The following IGHMBP2 variants were observed in gnomAD, a reference collection of about 807,000 sequenced individuals.
IGHMBP2 encodes the protein immunoglobulin mu DNA binding protein 2.
A neutral mutation model predicts 96.0 loss-of-function variants in IGHMBP2; 81 were observed. The ratio of observed to expected loss-of-function variants is 0.84; its 90% CI spans 0.71 to 1.01. The LOEUF is 1.01. Ranked by LOEUF, IGHMBP2 falls within the 50% of genes least tolerant of loss-of-function variation. The probability of loss-of-function intolerance (pLI) is 0.00; values close to 1 mark genes in which losing one functional copy is unlikely to be tolerated. For missense variants in IGHMBP2, 1,227 were observed against 1,306.3 expected, an observed-to-expected ratio of 0.94 and a Z score of 0.94; for synonymous variants, 557 against 548.9, an observed-to-expected ratio of 1.01 and a Z score of -0.21.
Position 68,929,163 on chromosome 11 carries a change from C to T in IGHMBP2, c.1061-20C>T, listed in dbSNP as rs375085896. ...AAGCAGCTGTGCCCCTGGAGACTCC[C>T]GGCTCCCTGTTTCCACCAGGTGCGT... On this transcript the variant is annotated intron_variant, in intron 7 of 14. Coordinates refer to ENST00000255078, the MANE Select transcript of IGHMBP2 (RefSeq NM_002180.3). 26 of 1,609,362 alleles carry T rather than the reference C, an allele frequency of 1.6e-5. No homozygotes were observed. Among genetic ancestry groups the T allele is most frequent in the African/African-American group, 4.0e-5 (3 of 74,890 alleles).
intron 4 of IGHMBP2, among the ~76,000 whole-genome samples, chr11:68,910,899 AG>A (rs1160612052): frequency 6.8e-5 from 10 of 147,576 alleles, no homozygotes; most frequent in Non-Finnish European, 9.0e-5. Context: ...AAAAAAAAAA[AG>A]AAGCAGATCT....
Position 68,908,210 on chromosome 11 carries a change from C to T in IGHMBP2, c.322C>T (p.Arg108Trp), listed in dbSNP as rs750026880. The change falls in exon 3 of 15, where the codon CGG (arginine) becomes TGG (tryptophan). Residue 108 changes from arginine (R) to tryptophan (W), a missense_variant. Arg to Trp is a moderately radical substitution (Grantham distance 101, BLOSUM62 -3). This residue lies in a region of IGHMBP2 where 507 missense variants were observed against 496.9 expected (regional missense o/e 1.02). Coordinates refer to ENST00000255078, the MANE Select transcript of IGHMBP2 (RefSeq NM_002180.3). ...GSQLATGILTRVTQKSVTVAF... is the reference protein window; with the variant it reads ...GSQLATGILTWVTQKSVTVAF... ...TCAGCTGGCCACTGGGATCTTGACC[C>T]GGGTCACCCAGAAGTCGGTCACGGT... The T allele has an allele frequency of 8.1e-6, 13 of 1,613,888 alleles. No individual in the cohort carries two copies. The highest frequency in any genetic ancestry group is 4.5e-5 in the East Asian group (2 of 44,888).
At chr11:68,904,448 G>A (rs1858092979) in intron 1 of IGHMBP2, among the ~76,000 whole-genome samples, 1 of 152,180 alleles carries the variant, frequency 6.6e-6, no homozygotes, top group African/African-American at 2.4e-5. Flanking sequence ...GGCCAGCGGC[G>A]GGCTGGGCAT....
At chr11:68,904,117 C>T (rs950639110) in intron 1 of IGHMBP2, 79 bp downstream of exon 1, 33 of 1,215,766 alleles carry the variant, frequency 2.7e-5, no homozygotes, top group Non-Finnish European at 3.7e-5. Flanking sequence ...GGCTCGGCCT[C>T]ATAGTCTGGG....
chr11:68,925,360 G>A (rs1316372673), intron 7 of IGHMBP2, among the ~76,000 whole-genome samples: 6 of 151,988 alleles, frequency 3.9e-5, no homozygotes, highest in African/African-American at 1.5e-4. Context: ...TGTTGGCCAG[G>A]CTGGTCTCGA....
chr11:68,926,769 T>C (rs1859085877), intron 7 of IGHMBP2, among the ~76,000 whole-genome samples: 1 of 152,134 alleles, frequency 6.6e-6, no homozygotes, highest in Non-Finnish European at 1.5e-5. Context: ...ATTTATTTAT[T>C]TATTTAATTT....
rs1566448372 is a variant in IGHMBP2, at chr11:68,938,258, C to G, written c.2688C>G (p.Thr896=). ...CTGCCGCCGTTAAGGCTGATAACAC[C>G]TGCGGCTTTGCCAAGTGCACAGCCG... is the stretch of plus-strand genomic sequence containing the variant. ...LVSAAVKADN[T]CGFAKCTAGV... is the part of the protein sequence containing the mutation. The change falls in exon 14 of 15, where the codon ACC becomes ACG. Residue 896 remains threonine, a synonymous_variant. Transcript: ENST00000255078. The G allele has an allele frequency of 1.2e-6, 2 of 1,613,946 alleles. No homozygotes were observed. Among genetic ancestry groups the G allele is most frequent in the African/African-American group, 1.3e-5 (1 of 74,948 alleles).
intron 11 of IGHMBP2, among the ~76,000 whole-genome samples, chr11:68,934,962 G>C (rs1343742332): frequency 6.6e-6 from 1 of 152,232 alleles, no homozygotes; most frequent in Non-Finnish European, 1.5e-5. Context: ...TATCTCATTT[G>C]GTAGGAAAAA....
At chr11:68,930,363 G>T (rs1162758901) in intron 8 of IGHMBP2, 1 of 1,289,816 alleles carries the variant, frequency 7.8e-7, no homozygotes, top group Admixed American at 2.3e-5. Flanking sequence ...CCGAGGACCG[G>T]AAGAAGATGT....
chr11:68,936,969 T>G lies in IGHMBP2; in HGVS notation c.2489T>G (p.Leu830Arg). ...REQRGPDQPDLRTLHLERLQR... is the reference protein window; with the variant it reads ...REQRGPDQPDRRTLHLERLQR... ...CAGCGTGGCCCAGACCAGCCTGATC[T>G]GAGGACGCTGCACCTGGAGAGACTG... The change falls in exon 13 of 15, where the codon CTG becomes CGG. Residue 830 changes from leucine to arginine, a missense_variant. Transcript: ENST00000255078. The G allele has an allele frequency of 1.9e-6, 3 of 1,607,146 alleles. No individual in the cohort carries two copies. Among genetic ancestry groups the G allele is most frequent in the Non-Finnish European group, 2.5e-6 (3 of 1,177,548 alleles).
At chr11:68,926,290 TA>T (rs1859066605) in intron 7 of IGHMBP2, 1 of 128,662 alleles carries the variant, frequency 7.8e-6, no homozygotes, top group Non-Finnish European at 1.6e-5. Context: ...TTTTTTTTTT[TA>T]GATGGAGTCT....
At position 68,906,076 on chromosome 11, in the gene IGHMBP2, CAGG is replaced by C. The variant is rs749258691; in HGVS notation, c.97_99del (p.Glu33del). 6.2e-7 allele frequency: 1 copy of C among 1,614,036 alleles called. No homozygotes were observed. The highest frequency in any genetic ancestry group is 2.2e-5 in the East Asian group (1 of 44,882). On this transcript the variant is annotated inframe_deletion, in exon 2 of 15. Transcript: ENST00000255078. ...ATACCGGGTGTCTTCCAGGTCCTGG[CAGG>C]AGAACATCTCTCTGAAAGAGCTCCA... is the stretch of plus-strand genomic sequence containing the variant.
At position 68,914,893 on chromosome 11, in the gene IGHMBP2, G is replaced by A. The variant is rs939818020; in HGVS notation, c.782G>A (p.Arg261Gln). The change falls in exon 6 of 15, where the codon CGG becomes CAG. Residue 261 changes from arginine to glutamine, a missense_variant. By Grantham distance (43) the Arg-to-Gln change is conservative (BLOSUM62 1). Coordinates refer to ENST00000255078, the MANE Select transcript of IGHMBP2 (RefSeq NM_002180.3). ...GAGCGCCTGGCTCTGTGTAAGCAGCGGATTCTGCGCCTGGGACACCCTGCC... is the reference window on the plus strand; with the variant it reads ...GAGCGCCTGGCTCTGTGTAAGCAGCAGATTCTGCGCCTGGGACACCCTGCC... ...LVERLALCKQRILRLGHPARL... is the reference protein window; with the variant it reads ...LVERLALCKQQILRLGHPARL... 4.3e-6 allele frequency: 7 copies of A among 1,614,222 alleles called. No homozygotes were observed. The highest frequency in any genetic ancestry group is 5.1e-6 in the Non-Finnish European group (6 of 1,180,040).
intron 12 of IGHMBP2, 91 bp from the exon 13 acceptor site, chr11:68,936,146 C>G (rs1859517800): frequency 4.0e-6 from 6 of 1,483,694 alleles, no homozygotes; most frequent in Non-Finnish European, 5.6e-6. Flanking sequence ...GGGGACTACA[C>G]TTTTGGTGGT....
chr11:68,904,295 A>C (rs1438887598), intron 1 of IGHMBP2, among the ~76,000 whole-genome samples: 1 of 150,834 alleles, frequency 6.6e-6, no homozygotes, highest in Non-Finnish European at 1.5e-5. Flanking sequence ...CTAAGCTTAC[A>C]CTCCTGGGCC....
intron 4 of IGHMBP2, among the ~76,000 whole-genome samples, chr11:68,909,163 A>C (rs1454324363): frequency 2.0e-5 from 2 of 100,382 alleles, no homozygotes; most frequent in African/African-American, 4.1e-5. Context: ...TAGTTAAAAA[A>C]ATTTTTTTTT....
At chr11:68,905,436 TGTCA>T (rs1350877964) in intron 1 of IGHMBP2, among the ~76,000 whole-genome samples, 2 of 152,210 alleles carry the variant, frequency 1.3e-5, no homozygotes, top group Non-Finnish European at 2.9e-5. Flanking sequence ...AACGATCCCC[TGTCA>T]GTCAGGTGCT....
intron 7 of IGHMBP2, among the ~76,000 whole-genome samples, chr11:68,924,340 G>T (rs1394612618): frequency 6.6e-6 from 1 of 152,178 alleles, no homozygotes; most frequent in African/African-American, 2.4e-5. Flanking sequence ...TGAGACCTCT[G>T]GTTTGTTCCT....
At position 68,906,358 on chromosome 11, in the gene IGHMBP2, C is replaced by G. The variant is rs939987437; in HGVS notation, c.256+120C>G. ...GAGAATAAAGCGTTGCAATGAAGAA[C>G]TCTTAATCAGAAGTCCAACAATTGA... On this transcript the variant is annotated intron_variant, in intron 2 of 14. Transcript: ENST00000255078. 69 of 1,104,382 alleles carry G rather than the reference C, an allele frequency of 6.2e-5. No homozygotes were observed. In the African/African-American group the frequency reaches 8.9e-4, roughly 14 times the overall value. 68.4% of individuals were successfully genotyped at this position (1,104,382 alleles called of 1,614,324 possible).
Sources: gnomAD v4.1 joint callset for allele counts (sites outside exome capture counted in the v4.1 genomes callset) on GRCh38, gnomAD v4.1.1 for gene constraint, gnomAD v4.1.1 regional missense constraint, MANE v1.5 for transcripts, NCBI Gene and HGNC (gene_info 2026-07-23, HGNC 2026-07-21) for gene names.